Variants in PIAS1 observed in about 807,000 individuals in gnomAD.
PIAS1 encodes the protein protein inhibitor of activated STAT 1, also known as E3 SUMO-protein ligase PIAS1.
Under a neutral mutation model 71.3 loss-of-function variants are expected in PIAS1, and 6 were observed. That is an observed-to-expected ratio of 0.08 (90% CI 0.05 to 0.17). The LOEUF is 0.17. Among genes scored for constraint, PIAS1 ranks in the 10% least tolerant of loss-of-function variants. PIAS1 has a pLI of 1.00. For missense variants in PIAS1, 555 were observed against 793.6 expected, an observed-to-expected ratio of 0.70 and a Z score of 3.61; for synonymous variants, 303 against 292.9, an observed-to-expected ratio of 1.03 and a Z score of -0.35.
At chr15:68,116,031 G>A (rs1307603640) in intron 2 of PIAS1, among the ~76,000 whole-genome samples, 1 of 151,972 alleles carries the variant, frequency 6.6e-6, no homozygotes, top group African/African-American at 2.4e-5. Flanking sequence ...TACCAAAGTA[G>A]TACTGGCTTC....
At chr15:68,165,166 G>C (rs59633452) in intron 8 of PIAS1, among the ~76,000 whole-genome samples, 4,205 of 152,160 alleles carry the variant, frequency 0.028, 186 homozygotes, top group African/African-American at 0.095. Context: ...TTGTTGCCCA[G>C]GCTGGAGTGC....
At chr15:68,093,317 A>T (rs552012018) in intron 2 of PIAS1, among the ~76,000 whole-genome samples, 6 of 152,394 alleles carry the variant, frequency 3.9e-5, no homozygotes, top group African/African-American at 1.4e-4. Flanking sequence ...TGCAACTAAC[A>T]TAAGCAAGTT....
chr15:68,113,150 A>T (rs1027940256), intron 2 of PIAS1, among the ~76,000 whole-genome samples: 7 of 152,170 alleles, frequency 4.6e-5, no homozygotes, highest in African/African-American at 1.7e-4. Context: ...AAGTGTATTC[A>T]ATGCAAATTT....
At chr15:68,082,136 C>T (rs553304763) in intron 1 of PIAS1, among the ~76,000 whole-genome samples, 4 of 152,218 alleles carry the variant, frequency 2.6e-5, no homozygotes, top group Non-Finnish European at 5.9e-5. Flanking sequence ...CAAACTCAGT[C>T]GTAAGGGTAA....
chr15:68,152,416 A>G (rs1328287074), intron 6 of PIAS1, among the ~76,000 whole-genome samples: 1 of 152,156 alleles, frequency 6.6e-6, no homozygotes, highest in African/African-American at 2.4e-5. Flanking sequence ...AGAGTATTGT[A>G]GTATATTTTC....
At chr15:68,126,026 G>C (rs1231485797) in intron 2 of PIAS1, among the ~76,000 whole-genome samples, 1 of 151,820 alleles carries the variant, frequency 6.6e-6, no homozygotes, top group African/African-American at 2.4e-5. Flanking sequence ...TCTGTAACCT[G>C]TTCTTGCCCC....
At chr15:68,059,028 G>A (rs1345590411) in intron 1 of PIAS1, among the ~76,000 whole-genome samples, 2 of 139,936 alleles carry the variant, frequency 1.4e-5, no homozygotes, top group African/African-American at 5.5e-5. Context: ...TTTTTGAGAC[G>A]GAGTCTTCCT....
Position 68,174,297 on chromosome 15 carries a change from AG to A in PIAS1, c.1169+406del, listed in dbSNP as rs1473866119. ...AAAATTGGGCTTTTCAATAGAAGTT[AG>A]CCTATTTCTGGAGATTAGATCCACC... On this transcript the variant is annotated intron_variant, in intron 9 of 13. Coordinates refer to ENST00000249636, the MANE Select transcript of PIAS1 (RefSeq NM_016166.3). The surrounding 1 kb of genome is among the most constrained non-coding windows in gnomAD (Gnocchi z 4.0). Among the ~76,000 whole-genome samples the A allele has an allele frequency of 6.6e-6, 1 of 152,208 alleles. No homozygotes were observed. The highest frequency in any genetic ancestry group is 6.5e-5 in the Admixed American group (1 of 15,286).
In PIAS1 at chr15:68,086,473, G is replaced by T. The variant is rs1385268242; in HGVS notation, c.192G>T (p.Arg64=). Residue 64 remains arginine (R), a synonymous_variant, in exon 2 of 14, where the codon CGG becomes CGT. Transcript: ENST00000249636. This position sits in a 1 kb window ranked among gnomAD's most constrained non-coding sequence, Gnocchi z 7.2. ...QMKIKELYRR[R]FPQKIMTPAD... is the part of the protein sequence containing the mutation. ...AAATTAAGGAACTCTATAGGCGGCGGTTCCCACAGAAAATCATGACGCCTG... is the reference window on the plus strand; with the variant it reads ...AAATTAAGGAACTCTATAGGCGGCGTTTCCCACAGAAAATCATGACGCCTG... The T allele has an allele frequency of 2.2e-5, 36 of 1,613,824 alleles. No homozygotes were observed. The highest frequency in any genetic ancestry group is 2.9e-5 in the Non-Finnish European group (34 of 1,179,880).
chr15:68,115,370 T>A (rs1184405390), intron 2 of PIAS1, among the ~76,000 whole-genome samples: 2 of 152,122 alleles, frequency 1.3e-5, no homozygotes, highest in African/African-American at 4.8e-5. Context: ...CAGTTTCTGA[T>A]TGTTTGCTGT....
intron 13 of PIAS1, chr15:68,184,751 G>A (rs1203809439): frequency 6.5e-6 from 1 of 152,992 alleles, no homozygotes; most frequent in Non-Finnish European, 1.5e-5. Flanking sequence ...TGGCTGAAAG[G>A]ACTTTCATCC....
intron 1 of PIAS1, chr15:68,057,679 TAG>T: frequency 1.5e-5 from 4 of 264,528 alleles, no homozygotes; most frequent in South Asian, 1.0e-4. Context: ...TTATTTCAGA[TAG>T]AGTCAAGTAC....
At chr15:68,118,411 A>G (rs1244443730) in intron 2 of PIAS1, among the ~76,000 whole-genome samples, 1 of 152,108 alleles carries the variant, frequency 6.6e-6, no homozygotes, top group African/African-American at 2.4e-5. Flanking sequence ...ATCATAGCTC[A>G]CTGCAGCCTT....
chr15:68,117,421 G>T (rs2092574439), intron 2 of PIAS1, among the ~76,000 whole-genome samples: 1 of 152,108 alleles, frequency 6.6e-6, no homozygotes. Context: ...ATACATTATT[G>T]TTAACTCTAG....
At chr15:68,137,117 T>G (rs1228300825) in intron 2 of PIAS1, among the ~76,000 whole-genome samples, 1 of 152,222 alleles carries the variant, frequency 6.6e-6, no homozygotes, top group Non-Finnish European at 1.5e-5. Flanking sequence ...TCTTGCGATG[T>G]GTCAGGATTC....
chr15:68,108,425 C>T (rs374823412), intron 2 of PIAS1, among the ~76,000 whole-genome samples: 6 of 152,120 alleles, frequency 3.9e-5, no homozygotes, highest in African/African-American at 1.4e-4. Context: ...TGATTTTCCT[C>T]CTATCATGCT....
At chr15:68,184,210 G>GA (rs552766292) in intron 13 of PIAS1, 1 of 152,156 alleles carries the variant, frequency 6.6e-6, no homozygotes, top group South Asian at 2.1e-4. Context: ...GACTGACATG[G>GA]AAAAAAATTA....
At chr15:68,123,019 C>CA in intron 2 of PIAS1, among the ~76,000 whole-genome samples, 1 of 151,054 alleles carries the variant, frequency 6.6e-6, no homozygotes, top group Non-Finnish European at 1.5e-5. Flanking sequence ...GCCTAAATCT[C>CA]AGAGTGTTAT....
In PIAS1 at chr15:68,174,510, GA is replaced by G. The variant is rs755266054; in HGVS notation, c.1169+622del. Among the ~76,000 whole-genome samples, 2 of 152,136 alleles carry G rather than the reference GA, an allele frequency of 1.3e-5. No individual in the cohort carries two copies. The highest frequency in any genetic ancestry group is 2.9e-5 in the Non-Finnish European group (2 of 68,014). ...TTGCCACTAAACAAAAACAAATTGT[GA>G]AAAGGAGGACATCTCCTTGATTTTT... On this transcript the variant is annotated intron_variant, in intron 9 of 13. Transcript: ENST00000249636. The surrounding 1 kb of genome is among the most constrained non-coding windows in gnomAD (Gnocchi z 4.0).
Sources: allele counts gnomAD v4.1 joint callset (sites outside exome capture counted in the v4.1 genomes callset), GRCh38; gene constraint gnomAD v4.1.1; non-coding constraint Gnocchi (gnomAD v3.1); transcripts MANE v1.5; gene names NCBI Gene and HGNC (gene_info 2026-07-23, HGNC 2026-07-21).